Variants in PRKCA observed in about 807,000 individuals in gnomAD.
PRKCA encodes protein kinase C alpha, also known as protein kinase C alpha type.
A neutral mutation model predicts 87.0 loss-of-function variants in PRKCA; 27 were observed. That is an observed-to-expected ratio of 0.31 (90% CI 0.23 to 0.43). PRKCA has a LOEUF of 0.43. PRKCA is among the 20% of genes least tolerant of loss of function. The pLI is 1.00. For synonymous variants in PRKCA, 329 were observed against 311.1 expected (o/e 1.06, Z -0.61); for missense variants, 518 against 852.3 (o/e 0.61, Z 4.88).
intron 13 of PRKCA, among the ~76,000 whole-genome samples, chr17:66,765,701 A>G (rs1974798726): frequency 6.6e-6 from 1 of 151,832 alleles, no homozygotes; most frequent in African/African-American, 2.4e-5. Context: ...TGGCCACTGT[A>G]TTGGATAGTG....
chr17:66,759,662 C>G (rs926780463), intron 13 of PRKCA, among the ~76,000 whole-genome samples: 6 of 151,932 alleles, frequency 3.9e-5, no homozygotes, highest in Admixed American at 1.3e-4. Context: ...CAGACTAGAT[C>G]AAAAAACAAG....
chr17:66,751,670 T>C (rs1389203694), intron 13 of PRKCA, among the ~76,000 whole-genome samples: 2 of 152,154 alleles, frequency 1.3e-5, no homozygotes, highest in African/African-American at 4.8e-5. Context: ...CAGGGTCCTA[T>C]AGGTGGGTGC....
chr17:66,785,764 G>A (rs1386340696), intron 14 of PRKCA, among the ~76,000 whole-genome samples: 1 of 152,200 alleles, frequency 6.6e-6, no homozygotes, highest in Non-Finnish European at 1.5e-5. Context: ...GGCGCTTATT[G>A]GGTACAACAT....
chr17:66,588,311 G>T (rs1440947226), intron 3 of PRKCA, among the ~76,000 whole-genome samples: 3 of 151,982 alleles, frequency 2.0e-5, no homozygotes, highest in African/African-American at 7.3e-5. Context: ...TCCTGTTTTG[G>T]GGCATGAGGA....
rs148255343 is a variant in PRKCA at position 66,687,968 on chromosome 17, T to C, written c.687-334T>C. ...GCTCTATAAAGGATCAGATAGTATA[T>C]ATTTTAGGCCTTGTGGGTCATATAG... is the stretch of plus-strand genomic sequence containing the variant. On this transcript the variant is annotated intron_variant, in intron 6 of 16. Coordinates refer to ENST00000413366, the MANE Select transcript of PRKCA (RefSeq NM_002737.3). Among the ~76,000 whole-genome samples, 210 of 152,312 alleles carry C rather than the reference T, an allele frequency of 1.4e-3. 4 individuals are homozygous for C. Among genetic ancestry groups the C allele is most frequent in the East Asian group, 9.5e-3 (49 of 5,184 alleles).
intron 2 of PRKCA, among the ~76,000 whole-genome samples, chr17:66,312,347 G>A (rs916328070): frequency 3.1e-4 from 47 of 152,176 alleles, no homozygotes; most frequent in Admixed American, 2.5e-3. Context: ...TCTCCTGGAT[G>A]ATACTATTGA....
intron 2 of PRKCA, among the ~76,000 whole-genome samples, chr17:66,454,017 T>C (rs1411513754): frequency 6.6e-6 from 1 of 152,248 alleles, no homozygotes; most frequent in East Asian, 1.9e-4. Context: ...AGTGCTTATG[T>C]AGACTTTATT....
chr17:66,530,791 T>C (rs1464565849), intron 3 of PRKCA, among the ~76,000 whole-genome samples: 1 of 152,124 alleles, frequency 6.6e-6, no homozygotes, highest in Non-Finnish European at 1.5e-5. Flanking sequence ...TCAAGCTGCC[T>C]AAAATGTGAA....
chr17:66,591,222 G>T (rs180800031), intron 3 of PRKCA, among the ~76,000 whole-genome samples: 1 of 151,988 alleles, frequency 6.6e-6, no homozygotes, highest in African/African-American at 2.4e-5. Flanking sequence ...GCATGATCAG[G>T]GCTCGCTGTA....
At chr17:66,555,107 A>G (rs1239498327) in intron 3 of PRKCA, among the ~76,000 whole-genome samples, 2 of 152,066 alleles carry the variant, frequency 1.3e-5, no homozygotes, top group East Asian at 3.9e-4. Context: ...CGAACTCCTG[A>G]GCTCAGGCAA....
chr17:66,734,935 G>A (rs562883290), intron 9 of PRKCA, among the ~76,000 whole-genome samples: 1 of 152,330 alleles, frequency 6.6e-6, no homozygotes, highest in South Asian at 2.1e-4. Flanking sequence ...CAGAAGGGAT[G>A]CTCAGAAATG....
intron 3 of PRKCA, among the ~76,000 whole-genome samples, chr17:66,577,180 CTT>C (rs1969265530): frequency 6.6e-6 from 1 of 152,174 alleles, no homozygotes; most frequent in South Asian, 2.1e-4. Flanking sequence ...CTGTGATGCA[CTT>C]TTAATCACAG....
chr17:66,704,918 A>G (rs1406611486), intron 8 of PRKCA, among the ~76,000 whole-genome samples: 3 of 152,206 alleles, frequency 2.0e-5, no homozygotes, highest in African/African-American at 4.8e-5. Flanking sequence ...TGAAGACTTT[A>G]TCTAGTTCAG....
chr17:66,565,306 A>T (rs1019715768), intron 3 of PRKCA, among the ~76,000 whole-genome samples: 2 of 152,126 alleles, frequency 1.3e-5, no homozygotes, highest in Admixed American at 6.5e-5. Flanking sequence ...AGCCCCTGAG[A>T]GCATGCTGAG....
intron 5 of PRKCA, among the ~76,000 whole-genome samples, chr17:66,655,729 A>G (rs1190098981): frequency 1.3e-5 from 2 of 152,168 alleles, no homozygotes; most frequent in African/African-American, 4.8e-5. Context: ...TGATGGAAGT[A>G]CACAATACAG....
At chr17:66,687,985 G>T (rs2051595437) in intron 6 of PRKCA, among the ~76,000 whole-genome samples, 1 of 152,128 alleles carries the variant, frequency 6.6e-6, no homozygotes, top group African/African-American at 2.4e-5. Context: ...GGCCTTGTGG[G>T]TCATATAGCC....
chr17:66,486,401 C>G (rs373303522), intron 2 of PRKCA, among the ~76,000 whole-genome samples: 1 of 152,198 alleles, frequency 6.6e-6, no homozygotes, highest in African/African-American at 2.4e-5. Flanking sequence ...CTGCATCCTT[C>G]TAAGTGTGTG....
intron 2 of PRKCA, among the ~76,000 whole-genome samples, chr17:66,375,237 A>G (rs1185681175): frequency 6.6e-6 from 1 of 152,160 alleles, no homozygotes; most frequent in African/African-American, 2.4e-5. Context: ...GTCCAGTTGT[A>G]AGTAATAAGT....
chr17:66,453,477 C>G (rs1295751690), intron 2 of PRKCA, among the ~76,000 whole-genome samples: 1 of 152,020 alleles, frequency 6.6e-6, no homozygotes, highest in Non-Finnish European at 1.5e-5. Context: ...GCCACCATGC[C>G]CAGCTAATTT....
Sources: allele counts gnomAD v4.1 joint callset (sites outside exome capture counted in the v4.1 genomes callset), GRCh38; gene constraint gnomAD v4.1.1; transcripts MANE v1.5; gene names NCBI Gene and HGNC (gene_info 2026-07-23, HGNC 2026-07-21).